VRK2: variants seen among roughly 807,000 people sequenced by gnomAD.
VRK2 encodes the protein VRK serine/threonine kinase 2, also known as serine/threonine-protein kinase VRK2.
A neutral mutation model predicts 57.6 loss-of-function variants in VRK2; 60 were observed. The ratio of observed to expected loss-of-function variants is 1.04; its 90% CI spans 0.85 to 1.29. VRK2 has a LOEUF of 1.29. VRK2 is among the 50% of genes most tolerant of loss of function. The pLI is 0.00. For synonymous variants in VRK2, 231 were observed against 199.2 expected, an observed-to-expected ratio of 1.16 and a Z score of -1.35; for missense variants, 705 against 588.1, an observed-to-expected ratio of 1.20 and a Z score of -2.06.
chr2:58,081,931 G>C (rs1670942834), intron 2 of VRK2, among the ~76,000 whole-genome samples: 1 of 150,422 alleles, frequency 6.6e-6, no homozygotes, highest in East Asian at 2.0e-4. Flanking sequence ...CTATAATGGG[G>C]CTTGGCTTAC....
intron 1 of VRK2, among the ~76,000 whole-genome samples, chr2:58,020,114 G>A (rs1673704967): frequency 1.3e-5 from 2 of 152,172 alleles, no homozygotes; most frequent in South Asian, 4.1e-4. Context: ...AACAGATCTG[G>A]TCAACTAAAG....
chr2:58,132,987 G>C (rs1039108968), intron 9 of VRK2, among the ~76,000 whole-genome samples: 2 of 151,996 alleles, frequency 1.3e-5, no homozygotes, highest in Non-Finnish European at 2.9e-5. Flanking sequence ...TTCGAAATAT[G>C]GGTCAAGTCA....
At chr2:58,004,350 T>G (rs1673180390) in intron 1 of VRK2, among the ~76,000 whole-genome samples, 1 of 152,162 alleles carries the variant, frequency 6.6e-6, no homozygotes, top group Non-Finnish European at 1.5e-5. Context: ...TAAAATGTAT[T>G]ACTGAGTGGT....
At chr2:58,105,464 A>G (rs1000834540) in intron 7 of VRK2, among the ~76,000 whole-genome samples, 43 of 152,046 alleles carry the variant, frequency 2.8e-4, no homozygotes, top group African/African-American at 1.0e-3. Context: ...ATCACTAATC[A>G]TCAGAGAAAT....
At chr2:58,118,000 T>C (rs936397974) in intron 7 of VRK2, among the ~76,000 whole-genome samples, 6 of 151,552 alleles carry the variant, frequency 4.0e-5, no homozygotes, top group African/African-American at 1.5e-4. Context: ...AGATAAGAGG[T>C]TGGGGAGCGG....
chr2:58,109,094 A>G (rs1675176991), intron 7 of VRK2, among the ~76,000 whole-genome samples: 3 of 151,958 alleles, frequency 2.0e-5, no homozygotes, highest in Non-Finnish European at 2.9e-5. Context: ...CTTGGCACTC[A>G]GGTATCTGTT....
At chr2:58,137,202 C>CATATATGATACATAGATCATATATA (rs1680549626) in intron 10 of VRK2, among the ~76,000 whole-genome samples, 1 of 27,330 alleles carries the variant, frequency 3.7e-5, no homozygotes, top group Non-Finnish European at 6.3e-5. Flanking sequence ...ACATATATAT[C>CATATATGATACATAGATCATATATA]TCATATATGA....
intron 1 of VRK2, among the ~76,000 whole-genome samples, chr2:57,984,953 T>C (rs976639516): frequency 6.6e-6 from 1 of 151,116 alleles, no homozygotes; most frequent in Non-Finnish European, 1.5e-5. Flanking sequence ...TAAAAATATA[T>C]AGAGCATTTA....
chr2:57,968,242 C>T (rs1006766975), intron 1 of VRK2, among the ~76,000 whole-genome samples: 2 of 151,722 alleles, frequency 1.3e-5, no homozygotes, highest in East Asian at 3.9e-4. Context: ...TAATGTAAAT[C>T]ACGAAAGAAA....
At chr2:58,046,906 C>G in intron 1 of VRK2, 38 bp downstream of exon 1, 1 of 985,484 alleles carries the variant, frequency 1.0e-6, no homozygotes, top group Non-Finnish European at 1.2e-6. Flanking sequence ...TGGCGGGCGG[C>G]ACCTCCGCTT....
chr2:58,003,747 G>A (rs1473630309), intron 1 of VRK2, among the ~76,000 whole-genome samples: 2 of 151,982 alleles, frequency 1.3e-5, no homozygotes, highest in Non-Finnish European at 2.9e-5. Flanking sequence ...GGTGTCTTGT[G>A]GCCTGTGATT....
At chr2:58,027,106 A>T (rs1264914529) in intron 2 of VRK2, among the ~76,000 whole-genome samples, 1 of 152,096 alleles carries the variant, frequency 6.6e-6, no homozygotes, top group Non-Finnish European at 1.5e-5. Context: ...GTTGAGTAGT[A>T]GTAGTGTTTT....
intron 12 of VRK2, among the ~76,000 whole-genome samples, chr2:58,157,048 G>A (rs1376446647): frequency 1.3e-5 from 2 of 152,070 alleles, no homozygotes; most frequent in Non-Finnish European, 2.9e-5. Context: ...TTCTGTTCAG[G>A]CTTTTTTGGC....
intron 8 of VRK2, among the ~76,000 whole-genome samples, chr2:58,130,833 C>A (rs1679087664): frequency 6.6e-6 from 1 of 152,002 alleles, no homozygotes. Context: ...TTTTGAATGA[C>A]TACAAAAATG....
chr2:58,151,057 TAGTG>T (rs1682943741), intron 12 of VRK2, among the ~76,000 whole-genome samples: 1 of 151,754 alleles, frequency 6.6e-6, no homozygotes. Context: ...AGGCCTAGTT[TAGTG>T]AATGTTCCTT....
chr2:57,922,457 TGTG>T (rs1670382226), intron 1 of VRK2, among the ~76,000 whole-genome samples: 2 of 87,544 alleles, frequency 2.3e-5, no homozygotes, highest in African/African-American at 2.2e-4. Context: ...TACCTTCTTG[TGTG>T]TGTGTGTGTG....
chr2:58,123,446 AAAAG>A (rs1444998718), intron 8 of VRK2, among the ~76,000 whole-genome samples: 1 of 152,208 alleles, frequency 6.6e-6, no homozygotes, highest in Non-Finnish European at 1.5e-5. Flanking sequence ...GTGAAGGAGC[AAAAG>A]TGTGTCAAGT....
At chr2:57,999,286 G>A (rs965550169) in intron 1 of VRK2, among the ~76,000 whole-genome samples, 5 of 152,104 alleles carry the variant, frequency 3.3e-5, no homozygotes, top group Non-Finnish European at 7.4e-5. Context: ...TCAAATAGTA[G>A]TTCCTTCTTT....
intron 7 of VRK2, among the ~76,000 whole-genome samples, chr2:58,119,081 T>G (rs999470295): frequency 6.6e-6 from 1 of 152,266 alleles, no homozygotes; most frequent in South Asian, 2.1e-4. Flanking sequence ...GGCATATATG[T>G]GCAAGTCACA....
Sources: allele counts gnomAD v4.1 joint callset (sites outside exome capture counted in the v4.1 genomes callset), GRCh38; gene constraint gnomAD v4.1.1; transcripts MANE v1.5; gene names NCBI Gene and HGNC (gene_info 2026-07-23, HGNC 2026-07-21).